The following FLT1 variants were observed in gnomAD, a reference collection of about 807,000 sequenced individuals.
FLT1 encodes vascular endothelial growth factor receptor 1.
Under a neutral mutation model 156.3 loss-of-function variants are expected in FLT1, and 49 were observed. The ratio of observed to expected loss-of-function variants is 0.31; its 90% CI spans 0.25 to 0.40. FLT1 has a LOEUF of 0.40. Among genes scored for constraint, FLT1 ranks in the 10% least tolerant of loss-of-function variants. The pLI is 1.00. For synonymous variants in FLT1, 594 were observed against 583.8 expected (o/e 1.02, Z -0.25); for missense variants, 1,322 against 1,637.2 (o/e 0.81, Z 3.32).
intron 23 of FLT1, among the ~76,000 whole-genome samples, chr13:28,320,574 G>A (rs1452213436): frequency 6.6e-6 from 1 of 151,294 alleles, no homozygotes; most frequent in Non-Finnish European, 1.5e-5. Context: ...ATCAGCTATT[G>A]TTAGTGTTAG....
chr13:28,349,227 T>C (rs1872663590), intron 15 of FLT1, among the ~76,000 whole-genome samples: 2 of 152,226 alleles, frequency 1.3e-5, no homozygotes, highest in South Asian at 4.1e-4. Context: ...ATTGGCTTAT[T>C]TGCTGCTTTG....
At chr13:28,390,147 G>T in intron 12 of FLT1, 43 bp from the exon 13 acceptor site, 2 of 1,600,582 alleles carry the variant, frequency 1.2e-6, no homozygotes, top group Non-Finnish European at 1.7e-6. Flanking sequence ...AGAAAAATCA[G>T]TGTCTTTTAA....
chr13:28,318,607 G>A (rs1871302760), intron 24 of FLT1, among the ~76,000 whole-genome samples: 1 of 152,230 alleles, frequency 6.6e-6, no homozygotes, highest in Admixed American at 6.5e-5. Context: ...CAGCCGCCAA[G>A]CTGCTTTCAA....
chr13:28,377,911 C>T (rs996045896), intron 14 of FLT1, among the ~76,000 whole-genome samples: 4 of 151,962 alleles, frequency 2.6e-5, no homozygotes, highest in Non-Finnish European at 5.9e-5. Flanking sequence ...AAGTAACCCC[C>T]AATCTGGGTT....
intron 1 of FLT1, among the ~76,000 whole-genome samples, chr13:28,483,824 G>A (rs1381363656): frequency 6.6e-6 from 1 of 152,082 alleles, no homozygotes; most frequent in East Asian, 1.9e-4. Flanking sequence ...AAATATGACA[G>A]TTTTTTTATT....
At chr13:28,313,179 A>T (rs1177069256) in intron 25 of FLT1, among the ~76,000 whole-genome samples, 1 of 151,976 alleles carries the variant, frequency 6.6e-6, no homozygotes, top group Non-Finnish European at 1.5e-5. Context: ...GGGTTTTATC[A>T]TGTTTTCCAG....
rs1872755046 is a variant in FLT1 at position 28,352,276 on chromosome 13, T to C, written c.2248+5278A>G. Among the ~76,000 whole-genome samples the C allele has an allele frequency of 4.6e-5, 7 of 152,226 alleles. No homozygotes were observed. The South Asian group carries it at 8.3e-4, about 18-fold the overall frequency. ...CCTTTTAACTAACTGTACTTCCTTG[T>C]ACCTGTAGGATTATTGCAAAACTTG... On this transcript the variant is annotated intron_variant, in intron 15 of 29. Coordinates refer to ENST00000282397, the MANE Select transcript of FLT1 (RefSeq NM_002019.4).
chr13:28,379,718 A>G (rs1432385477), intron 14 of FLT1, among the ~76,000 whole-genome samples: 1 of 152,162 alleles, frequency 6.6e-6, no homozygotes, highest in Non-Finnish European at 1.5e-5. Context: ...CATGCTTAAG[A>G]TCCCTTTTAT....
chr13:28,327,075 TA>T (rs1366950590), intron 20 of FLT1, among the ~76,000 whole-genome samples: 4 of 152,258 alleles, frequency 2.6e-5, no homozygotes, highest in Admixed American at 2.6e-4. Context: ...TCTAACCTAA[TA>T]AATGGAGACA....
At chr13:28,328,706 C>G (rs1871795148) in intron 19 of FLT1, among the ~76,000 whole-genome samples, 1 of 152,220 alleles carries the variant, frequency 6.6e-6, no homozygotes, top group South Asian at 2.1e-4. Flanking sequence ...CGCATGGGGT[C>G]CAGCCACCGT....
intron 14 of FLT1, among the ~76,000 whole-genome samples, chr13:28,373,766 G>A (rs571829545): frequency 3.9e-5 from 6 of 152,054 alleles, no homozygotes; most frequent in Non-Finnish European, 5.9e-5. Flanking sequence ...TCTTAGTTTT[G>A]GGGTTAGTGT....
At chr13:28,408,230 T>G (rs1875927418) in intron 10 of FLT1, among the ~76,000 whole-genome samples, 1 of 152,142 alleles carries the variant, frequency 6.6e-6, no homozygotes. Context: ...AGCCTGGGTG[T>G]TTCTCAAGGG....
At chr13:28,494,682 C>T (rs932303370) in intron 1 of FLT1, 98 bp downstream of exon 1, 1 of 914,984 alleles carries the variant, frequency 1.1e-6, no homozygotes, top group African/African-American at 1.7e-5. Flanking sequence ...GCTACAGCCT[C>T]GTCTCCCCGC....
Position 28,317,745 on chromosome 13 carries a change from G to A in FLT1, c.3287-148C>T, listed in dbSNP as rs542867041. ...GGATTACAACAGATCTCAACATACC[G>A]TACAACACACAGAGAAGCTCAGCAA... On this transcript the variant is annotated intron_variant, in intron 24 of 29. Coordinates refer to ENST00000282397, the MANE Select transcript of FLT1 (RefSeq NM_002019.4). The A allele has an allele frequency of 4.7e-5, 32 of 686,986 alleles. No individual in the cohort carries two copies. The Middle Eastern group carries it at 8.3e-4, about 18-fold the overall frequency. 42.6% of individuals were successfully genotyped at this position (686,986 alleles called of 1,614,324 possible).
intron 28 of FLT1, 134 bp downstream of exon 28, chr13:28,308,709 A>C: frequency 1.4e-6 from 1 of 716,352 alleles, no homozygotes. Context: ...TCCTCCCCAC[A>C]CTGTCATTTC....
chr13:28,473,401 T>C (rs1467715594), intron 1 of FLT1, among the ~76,000 whole-genome samples: 3 of 151,554 alleles, frequency 2.0e-5, no homozygotes, highest in African/African-American at 4.9e-5. Flanking sequence ...CCCCAGCACT[T>C]TGGGAGGCTG....
At chr13:28,396,554 A>T (rs1352147397) in intron 12 of FLT1, among the ~76,000 whole-genome samples, 1 of 152,220 alleles carries the variant, frequency 6.6e-6, no homozygotes, top group East Asian at 1.9e-4. Context: ...AAGTTGTAAA[A>T]AAATTAACCT....
chr13:28,466,874 A>G, intron 3 of FLT1, 29 bp downstream of exon 3: 1 of 1,503,500 alleles, frequency 6.7e-7, no homozygotes, highest in South Asian at 1.1e-5. Context: ...AAGCAAAAGC[A>G]AACAGAATGT....
At chr13:28,339,325 T>C in intron 16 of FLT1, 25 bp from the exon 17 acceptor site, 1 of 1,610,608 alleles carries the variant, frequency 6.2e-7, no homozygotes, top group Non-Finnish European at 8.5e-7. Flanking sequence ...GATCTCAAAG[T>C]CATCGAGAAG....
Sources: allele counts gnomAD v4.1 joint callset (sites outside exome capture counted in the v4.1 genomes callset), GRCh38; gene constraint gnomAD v4.1.1; transcripts MANE v1.5; gene names NCBI Gene and HGNC (gene_info 2026-07-23, HGNC 2026-07-21).